C6orf163: variants seen among roughly 807,000 people sequenced by gnomAD.
C6orf163 encodes the protein chromosome 6 open reading frame 163, also known as uncharacterized protein C6orf163.
C6orf163 carries 22 observed loss-of-function variants against 28.4 expected under a neutral mutation model. That is an observed-to-expected ratio of 0.78 (90% CI 0.55 to 1.11). The LOEUF is 1.11. Ranked by LOEUF, C6orf163 falls within the 50% of genes least tolerant of loss-of-function variation. The pLI, the probability that C6orf163 is intolerant of heterozygous loss-of-function variation, is 0.00. For synonymous variants in C6orf163, 110 were observed against 123.6 expected (o/e 0.89, Z 0.73); for missense variants, 342 against 389.1 (o/e 0.88, Z 1.02).
Position 87,348,909 on chromosome 6 carries a change from A to T in C6orf163, c.243+3A>T. The stretch of plus-strand genomic sequence containing the variant: ...CAGAAGCTGAAGTATGGGCTCAGGT[A>T]AAAGAAGTTACATGTCAACCTAAAG... On this transcript the variant is annotated splice_donor_region_variant and intron_variant, in intron 2 of 4. Coordinates refer to ENST00000388923, the MANE Select transcript of C6orf163 (RefSeq NM_001010868.3). The T allele has an allele frequency of 1.3e-6, 2 of 1,536,448 alleles. No homozygotes were observed. Among genetic ancestry groups the T allele is most frequent in the Non-Finnish European group, 1.7e-6 (2 of 1,146,740 alleles).
intron 3 of C6orf163, among the ~76,000 whole-genome samples, chr6:87,355,600 C>T (rs1243965532): frequency 6.6e-6 from 1 of 152,068 alleles, no homozygotes; most frequent in African/African-American, 2.4e-5. Context: ...TTTTAAAATA[C>T]CTGGACAGAA....
At chr6:87,351,273 A>G (rs1777408336) in intron 3 of C6orf163, among the ~76,000 whole-genome samples, 1 of 152,266 alleles carries the variant, frequency 6.6e-6, no homozygotes, top group East Asian at 1.9e-4. Context: ...ATGACAATAC[A>G]CGGGCAGAAG....
intron 4 of C6orf163, chr6:87,357,764 C>G (rs537337264): frequency 1.3e-5 from 2 of 152,320 alleles, no homozygotes; most frequent in Admixed American, 6.5e-5. Flanking sequence ...CTCACACACA[C>G]TTGCGGTCTC....
At chr6:87,351,269 A>G (rs373371122) in intron 3 of C6orf163, among the ~76,000 whole-genome samples, 11 of 152,356 alleles carry the variant, frequency 7.2e-5, no homozygotes, top group East Asian at 1.9e-4. Flanking sequence ...AGGTATGACA[A>G]TACACGGGCA....
rs1582113400 is a variant in C6orf163, at chr6:87,365,192, G to A, written c.786G>A (p.Leu262=). 3.2e-6 allele frequency: 5 copies of A among 1,551,784 alleles called. No individual in the cohort carries two copies. Among genetic ancestry groups the A allele is most frequent in the Non-Finnish European group, 4.4e-6 (5 of 1,147,010 alleles). ...TGGCTAACACCCAGGGGGAGCTGCT[G>A]TCTATAGCAAAACAACTGGGAATCA... ...DKLANTQGEL[L]SIAKQLGIMT... The change falls in exon 5 of 5, where the codon CTG becomes CTA. Residue 262 remains leucine, a synonymous_variant. Transcript: ENST00000388923.
chr6:87,348,495 C>G (rs1695330079), intron 1 of C6orf163: 1 of 1,072,864 alleles, frequency 9.3e-7, no homozygotes, highest in South Asian at 3.2e-5. Flanking sequence ...CTTGAATATT[C>G]ACTCATCATT....
In C6orf163 at chr6:87,356,422, A is replaced by T; in HGVS notation, c.473A>T (p.His158Leu). The change falls in exon 4 of 5, where the codon CAC (histidine) becomes CTC (leucine). Residue 158 changes from histidine (H) to leucine (L), a missense_variant. Coordinates refer to ENST00000388923, the MANE Select transcript of C6orf163 (RefSeq NM_001010868.3). ...ATCCAAAGGATTATGATGGAATGCC[A>T]CAGAGAGAAGGTCGAAGCTGTGGAG... is the stretch of plus-strand genomic sequence containing the variant. ...HRIQRIMMEC[H>L]REKVEAVEKA... The T allele has an allele frequency of 6.4e-7, 1 of 1,551,818 alleles. No homozygotes were observed. Among genetic ancestry groups the T allele is most frequent in the Non-Finnish European group, 8.7e-7 (1 of 1,147,004 alleles).
chr6:87,348,173 C>A, intron 1 of C6orf163: 16 of 982,132 alleles, frequency 1.6e-5, no homozygotes, highest in Non-Finnish European at 1.8e-5. Context: ...AGAGAAATCC[C>A]AGTGGAAAAA....
At chr6:87,363,342 T>C (rs368257757) in intron 4 of C6orf163, among the ~76,000 whole-genome samples, 2 of 151,018 alleles carry the variant, frequency 1.3e-5, no homozygotes, top group African/African-American at 2.4e-5. Context: ...TTTTTCCAAA[T>C]TTTTTAAAAA....
At chr6:87,364,608 G>T (rs531623900) in intron 4 of C6orf163, among the ~76,000 whole-genome samples, 1 of 152,212 alleles carries the variant, frequency 6.6e-6, no homozygotes, top group Admixed American at 6.5e-5. Flanking sequence ...TTAATATAAA[G>T]AAATACTTTC....
intron 1 of C6orf163, among the ~76,000 whole-genome samples, chr6:87,345,769 T>A (rs1030854727): frequency 1.3e-5 from 2 of 151,832 alleles, no homozygotes; most frequent in Non-Finnish European, 2.9e-5. Flanking sequence ...TAAAAAAATT[T>A]AAGCAGGCAT....
intron 4 of C6orf163, among the ~76,000 whole-genome samples, chr6:87,361,557 C>T (rs1358922985): frequency 2.6e-5 from 4 of 152,170 alleles, no homozygotes. Flanking sequence ...TGTCAGAGGA[C>T]ACAGGGAGCA....
rs192497345 is a variant in C6orf163 at position 87,352,283 on chromosome 6, G to A, written c.351+1782G>A. Among the ~76,000 whole-genome samples the A allele has an allele frequency of 2.7e-3, 412 of 152,314 alleles. 1 individual carries two copies. Among genetic ancestry groups the A allele is most frequent in the Non-Finnish European group, 3.9e-3 (268 of 68,030 alleles). ...CTCAGGGCTTGTCGGTGAACCACTT[G>A]CATCAGAATCTATTCACTTGGGGTC... is the stretch of plus-strand genomic sequence containing the variant. On this transcript the variant is annotated intron_variant, in intron 3 of 4. Transcript: ENST00000388923.
intron 3 of C6orf163, among the ~76,000 whole-genome samples, chr6:87,352,494 T>A (rs934238520): frequency 6.6e-6 from 1 of 152,210 alleles, no homozygotes; most frequent in African/African-American, 2.4e-5. Context: ...GTTAAGAGTT[T>A]GGTGTGTCTC....
chr6:87,361,813 G>T (rs527417245), intron 4 of C6orf163, among the ~76,000 whole-genome samples: 1 of 152,196 alleles, frequency 6.6e-6, no homozygotes, highest in South Asian at 2.1e-4. Flanking sequence ...ACAGATTCTG[G>T]CAGCTATGAC....
At chr6:87,345,916 CAAAAAAAAAA>C (rs3044136) in intron 1 of C6orf163, among the ~76,000 whole-genome samples, 40 of 44,648 alleles carry the variant, frequency 9.0e-4, no homozygotes, top group Admixed American at 1.1e-3. Context: ...GACTCTGCCT[CAAAAAAAAAA>C]AAAAAAAAAA....
chr6:87,356,733 T>C lies in C6orf163; in HGVS notation c.554+230T>C, dbSNP rs1006363085. 7 of 458,168 alleles carry C rather than the reference T, an allele frequency of 1.5e-5. No homozygotes were observed. In the East Asian group the frequency reaches 2.5e-4, roughly 16 times the overall value. 28.4% of individuals were successfully genotyped at this position (458,168 alleles called of 1,614,324 possible). A position where few individuals can be genotyped will look rare whatever the true frequency, so the allele number is the denominator to read the frequency against. ...AAAACCTACCACCCAGCTTAAGGGATTGAAAATTGCTGTTTTCTAAAGCTC... is the reference window on the plus strand; with the variant it reads ...AAAACCTACCACCCAGCTTAAGGGACTGAAAATTGCTGTTTTCTAAAGCTC... On this transcript the variant is annotated intron_variant, in intron 4 of 4. Coordinates refer to ENST00000388923, the MANE Select transcript of C6orf163 (RefSeq NM_001010868.3).
chr6:87,351,834 C>CTCTA (rs1360693093), intron 3 of C6orf163, among the ~76,000 whole-genome samples: 1 of 152,194 alleles, frequency 6.6e-6, no homozygotes, highest in African/African-American at 2.4e-5. Flanking sequence ...TGGCAAGGGG[C>CTCTA]TCTAGTTCCC....
At chr6:87,360,087 C>G (rs1365189281) in intron 4 of C6orf163, among the ~76,000 whole-genome samples, 2 of 152,170 alleles carry the variant, frequency 1.3e-5, no homozygotes, top group African/African-American at 4.8e-5. Context: ...TCCAAAAACT[C>G]TGGGCCTTAC....
Sources: gnomAD v4.1 joint callset for allele counts (sites outside exome capture counted in the v4.1 genomes callset) on GRCh38, gnomAD v4.1.1 for gene constraint, MANE v1.5 for transcripts, NCBI Gene and HGNC (gene_info 2026-07-23, HGNC 2026-07-21) for gene names.